The following KIF1B variants were observed in gnomAD, a reference collection of about 807,000 sequenced individuals.
The protein encoded by KIF1B is kinesin-like protein KIF1B.
A neutral mutation model predicts 241.9 loss-of-function variants in KIF1B; 76 were observed. The observed-to-expected ratio is 0.31, with a 90% CI of 0.26 to 0.38. KIF1B has a LOEUF of 0.38. Ranked by LOEUF, KIF1B falls within the 10% of genes least tolerant of loss-of-function variation. The probability of loss-of-function intolerance (pLI) is 1.00; values close to 1 mark genes in which losing one functional copy is unlikely to be tolerated. For synonymous variants in KIF1B, 750 were observed against 796.7 expected, an observed-to-expected ratio of 0.94 and a Z score of 0.99; for missense variants, 1,622 against 2,271.4, an observed-to-expected ratio of 0.71 and a Z score of 5.81.
chr1:10,376,825 A>G lies in KIF1B; in HGVS notation c.*238A>G, dbSNP rs1211775534. 2.0e-6 allele frequency: 1 copy of G among 500,364 alleles called. No individual in the cohort carries two copies. The highest frequency in any genetic ancestry group is 3.4e-5 in the East Asian group (1 of 29,266). 31.0% of individuals were successfully genotyped at this position (500,364 alleles called of 1,614,324 possible). On this transcript the variant is annotated 3_prime_UTR_variant, in exon 49 of 49. Coordinates refer to ENST00000676179, the MANE Select transcript of KIF1B (RefSeq NM_001365951.3). The stretch of plus-strand genomic sequence containing the variant: ...GCATGTGGCCTAACAAAAGGAAAAA[A>G]TGTTTTTAAACACACACACACACAC...
rs1638837000 is a variant in KIF1B, at chr1:10,374,733, G to A, written c.5097-121G>A. The A allele has an allele frequency of 9.8e-7, 1 of 1,025,330 alleles. No homozygotes were observed. Among genetic ancestry groups the A allele is most frequent in the Non-Finnish European group, 1.5e-6 (1 of 663,002 alleles). The allele number at this position is 1,025,330 out of a possible 1,614,324, so 63.5% of individuals were successfully genotyped here. A position where few individuals can be genotyped will look rare whatever the true frequency, so the allele number is the denominator to read the frequency against. On this transcript the variant is annotated intron_variant, in intron 46 of 48. Coordinates refer to ENST00000676179, the MANE Select transcript of KIF1B (RefSeq NM_001365951.3). This position sits in a 1 kb window ranked among gnomAD's most constrained non-coding sequence, Gnocchi z 4.3. ...GGCAGATAAGATTCTAGGCCAAATAGGTCATTTGCCTGTTTCATCGAATCT... is the reference window on the plus strand; with the variant it reads ...GGCAGATAAGATTCTAGGCCAAATAAGTCATTTGCCTGTTTCATCGAATCT...
chr1:10,321,238 G>T (rs1651511710), intron 23 of KIF1B, among the ~76,000 whole-genome samples: 1 of 151,780 alleles, frequency 6.6e-6, no homozygotes. Context: ...TGAGTAGCTG[G>T]GACTACAGGT....
chr1:10,352,484 C>G (rs1274388075), intron 37 of KIF1B, 147 bp from the exon 38 acceptor site: 1 of 671,316 alleles, frequency 1.5e-6, no homozygotes, highest in Non-Finnish European at 2.7e-6. Context: ...GTAATGGAGT[C>G]AGACCGTGGA....
At position 10,303,882 on chromosome 1, in the gene KIF1B, A is replaced by G; in HGVS notation, c.2115+6636A>G. 2 of 1,614,248 alleles carry G rather than the reference A, an allele frequency of 1.2e-6. No homozygotes were observed. Among genetic ancestry groups the G allele is most frequent in the Non-Finnish European group, 1.7e-6 (2 of 1,180,044 alleles). The stretch of plus-strand genomic sequence containing the variant: ...GTAAAGGAGACAATGGAGAACTTGC[A>G]AAAGAAGAACGTGTTTCCCAGCTGA... On this transcript the variant is annotated intron_variant, in intron 22 of 48. Coordinates refer to ENST00000676179, the MANE Select transcript of KIF1B (RefSeq NM_001365951.3). The surrounding 1 kb of genome is among the most constrained non-coding windows in gnomAD (Gnocchi z 5.2).
At position 10,337,635 on chromosome 1, in the gene KIF1B, G is replaced by A; in HGVS notation, c.3422+102G>A. On this transcript the variant is annotated intron_variant, in intron 31 of 48. Coordinates refer to ENST00000676179, the MANE Select transcript of KIF1B (RefSeq NM_001365951.3). The surrounding 1 kb of genome is among the most constrained non-coding windows in gnomAD (Gnocchi z 4.0). ...ACATGTGTGAGGGATTAACACTCTT[G>A]AGACAAAGACTGATCAGTCTCTGAA... 7.7e-7 allele frequency: 1 copy of A among 1,291,042 alleles called. No homozygotes were observed. The highest frequency in any genetic ancestry group is 1.7e-5 in the Admixed American group (1 of 57,826). The allele number at this position is 1,291,042 out of a possible 1,614,324, so 80.0% of individuals were successfully genotyped here.
At chr1:10,305,287 A>G in intron 22 of KIF1B, 1 of 1,044,200 alleles carries the variant, frequency 9.6e-7, no homozygotes, top group Non-Finnish European at 1.2e-6. Flanking sequence ...AACTCATATA[A>G]TGGTTTTTTC....
At chr1:10,272,499 A>C (rs1220211669) in intron 9 of KIF1B, 193 bp downstream of exon 9, 1 of 664,156 alleles carries the variant, frequency 1.5e-6, no homozygotes, top group East Asian at 2.9e-5. Flanking sequence ...AAAAGATACT[A>C]AGGAGAACAA....
intron 1 of KIF1B, among the ~76,000 whole-genome samples, chr1:10,212,738 T>TA (rs761782503): frequency 6.4e-4 from 97 of 151,536 alleles, no homozygotes; most frequent in Non-Finnish European, 1.3e-3. Flanking sequence ...AATGAATAAA[T>TA]AAATACCTGG....
At chr1:10,372,661 GAGCTGTCACCCA>G (rs1261691722) in intron 45 of KIF1B, among the ~76,000 whole-genome samples, 3 of 120,526 alleles carry the variant, frequency 2.5e-5, no homozygotes, top group Non-Finnish European at 3.4e-5. Flanking sequence ...TTGGGTGACA[GAGCTGTCACCCA>G]AGCTGGCGCG....
chr1:10,306,571 G>A lies in KIF1B; in HGVS notation c.2115+9325G>A. 3 of 488,698 alleles carry A rather than the reference G, an allele frequency of 6.1e-6. No homozygotes were observed. The South Asian group carries it at 2.8e-4, about 45-fold the overall frequency. The allele number at this position is 488,698 out of a possible 1,614,324, so 30.3% of individuals were successfully genotyped here. A position where few individuals can be genotyped will look rare whatever the true frequency, so the allele number is the denominator to read the frequency against. Reference sequence around the variant, plus strand: ...GGCTGTGGTACACTATGCCAGTTGGGTGTAAGTTTGGCATCAATATGGTGA... The same window carrying A: ...GGCTGTGGTACACTATGCCAGTTGGATGTAAGTTTGGCATCAATATGGTGA... On this transcript the variant is annotated intron_variant, in intron 22 of 48. Coordinates refer to ENST00000676179, the MANE Select transcript of KIF1B (RefSeq NM_001365951.3).
chr1:10,348,594 C>A (rs762725695), intron 36 of KIF1B, 55 bp from the exon 37 acceptor site: 1 of 1,341,544 alleles, frequency 7.5e-7, no homozygotes, highest in Non-Finnish European at 1.1e-6. Flanking sequence ...AAACAGTAGA[C>A]GAGAGGAGAT....
chr1:10,249,946 A>T (rs1647344993), intron 2 of KIF1B, among the ~76,000 whole-genome samples: 1 of 152,128 alleles, frequency 6.6e-6, no homozygotes, highest in Admixed American at 6.5e-5. Flanking sequence ...GCTTTAGTTT[A>T]TCAGTTAGTG....
chr1:10,358,875 G>A (rs981566944), intron 38 of KIF1B, among the ~76,000 whole-genome samples: 2 of 152,156 alleles, frequency 1.3e-5, no homozygotes, highest in African/African-American at 2.4e-5. Context: ...CTATAGAAAG[G>A]CCTTCATTGT....
At chr1:10,345,814 G>T in intron 34 of KIF1B, 31 bp from the exon 35 acceptor site, 1 of 1,554,550 alleles carries the variant, frequency 6.4e-7, no homozygotes, top group Non-Finnish European at 8.9e-7. Flanking sequence ...TCTTGGACCA[G>T]ATTTTGACAT....
rs776203050 is a variant in KIF1B at position 10,309,525 on chromosome 1, A to G, written c.2116-10518A>G. Among the ~76,000 whole-genome samples the G allele has an allele frequency of 4.9e-4, 73 of 149,994 alleles. 1 individual carries two copies. The highest frequency in any genetic ancestry group is 1.0e-3 in the Non-Finnish European group (71 of 68,018). ...ATTTTCCTTCCAGCTATTGCTTGCTAATTATAATCTGCCATTAGGAGCCAA... is the reference window on the plus strand; with the variant it reads ...ATTTTCCTTCCAGCTATTGCTTGCTGATTATAATCTGCCATTAGGAGCCAA... On this transcript the variant is annotated intron_variant, in intron 22 of 48. Coordinates refer to ENST00000676179, the MANE Select transcript of KIF1B (RefSeq NM_001365951.3).
intron 22 of KIF1B, among the ~76,000 whole-genome samples, chr1:10,314,378 A>G (rs1651211361): frequency 4.6e-5 from 7 of 151,330 alleles, no homozygotes; most frequent in Admixed American, 3.9e-4. Flanking sequence ...TATTTTGACT[A>G]TCAATTGTGG....
At chr1:10,345,750 C>G (rs1389471812) in intron 34 of KIF1B, 95 bp from the exon 35 acceptor site, 31 of 884,882 alleles carry the variant, frequency 3.5e-5, no homozygotes, top group Non-Finnish European at 5.8e-5. Context: ...GCTGCCTTTC[C>G]CAAGTATGTC....
rs568605698 is a variant in KIF1B, at chr1:10,272,410, C to T, written c.864+104C>T. On this transcript the variant is annotated intron_variant, in intron 9 of 48. Transcript: ENST00000676179. ...AAGGCTGTCTTTTTGTGGCCCTTTT[C>T]TGTAATCTTGCCTTTCTCCTTTTAG... 37 of 803,366 alleles carry T rather than the reference C, an allele frequency of 4.6e-5. No homozygotes were observed. In the Admixed American group the frequency reaches 5.4e-4, roughly 12 times the overall value. The allele number at this position is 803,366 out of a possible 1,614,324, so 49.8% of individuals were successfully genotyped here.
chr1:10,374,222 C>A lies in KIF1B; in HGVS notation c.4947-94C>A. ...TTTGCAGCTGGGGTTTAGGGAGGGC[C>A]ATTGTGTTCCTCCCAGTGAAACAGT... On this transcript the variant is annotated intron_variant, in intron 45 of 48. Transcript: ENST00000676179. This position sits in a 1 kb window ranked among gnomAD's most constrained non-coding sequence, Gnocchi z 4.3. 1 of 1,324,432 alleles carries A rather than the reference C, an allele frequency of 7.6e-7. No homozygotes were observed. Among genetic ancestry groups the A allele is most frequent in the Non-Finnish European group, 1.1e-6 (1 of 918,106 alleles). The allele number at this position is 1,324,432 out of a possible 1,614,324, so 82.0% of individuals were successfully genotyped here. A position where few individuals can be genotyped will look rare whatever the true frequency, so the allele number is the denominator to read the frequency against.
Sources: gnomAD v4.1 joint callset for allele counts (sites outside exome capture counted in the v4.1 genomes callset) on GRCh38, gnomAD v4.1.1 for gene constraint, Gnocchi (gnomAD v3.1) non-coding constraint, MANE v1.5 for transcripts, NCBI Gene and HGNC (gene_info 2026-07-23, HGNC 2026-07-21) for gene names.